Variants in ACSM3 observed in about 807,000 individuals in gnomAD.
ACSM3 encodes the protein acyl-coenzyme A synthetase ACSM3, mitochondrial.
ACSM3 carries 61 observed loss-of-function variants against 74.1 expected under a neutral mutation model. The observed-to-expected ratio is 0.82, with a 90% CI of 0.67 to 1.02. The LOEUF is 1.02. ACSM3 is among the 50% of genes least tolerant of loss of function. ACSM3 has a pLI of 0.00. For synonymous variants in ACSM3, 213 were observed against 241.5 expected (o/e 0.88, Z 1.09); for missense variants, 660 against 697.0 (o/e 0.95, Z 0.60).
chr16:20,768,629 G>A (rs2152453902), intron 1 of ACSM3, among the ~76,000 whole-genome samples: 1 of 152,126 alleles, frequency 6.6e-6, no homozygotes, highest in East Asian at 1.9e-4. Flanking sequence ...CCAAGACCTA[G>A]GCATCAGAGT....
intron 1 of ACSM3, among the ~76,000 whole-genome samples, chr16:20,702,556 T>A (rs2079716500): frequency 6.6e-6 from 1 of 152,248 alleles, no homozygotes; most frequent in South Asian, 2.1e-4. Flanking sequence ...ATTTCTCTAA[T>A]GACCAGGGAT....
In ACSM3 at chr16:20,792,125, T is replaced by C. The variant is rs749653596; in HGVS notation, c.1450T>C (p.Ser484Pro). 1 of 1,614,036 alleles carries C rather than the reference T, an allele frequency of 6.2e-7. No individual in the cohort carries two copies. Among genetic ancestry groups the C allele is most frequent in the Non-Finnish European group, 8.5e-7 (1 of 1,180,000 alleles). ...VARADDVILS[S>P]GYRIGPFEVE... ...AAGAGCAGATGATGTCATATTATCCTCTGGGTAACTTTCTTTTCCATATGT... is the reference window on the plus strand; with the variant it reads ...AAGAGCAGATGATGTCATATTATCCCCTGGGTAACTTTCTTTTCCATATGT... The change falls in exon 11 of 14, where the codon TCT (serine) becomes CCT (proline). Residue 484 changes from serine (S) to proline (P), a missense_variant. Transcript: ENST00000289416.
At chr16:20,704,429 T>C (rs1373095454) in intron 1 of ACSM3, among the ~76,000 whole-genome samples, 1 of 152,210 alleles carries the variant, frequency 6.6e-6, no homozygotes, top group Non-Finnish European at 1.5e-5. Context: ...GTCACCATGT[T>C]TAACTACTAG....
chr16:20,741,497 CGGGACCGGTA>C, intron 1 of ACSM3: 3 of 1,430,164 alleles, frequency 2.1e-6, no homozygotes, highest in South Asian at 2.8e-5. Context: ...CCGCCCACCC[CGGGACCGGTA>C]CCTTTTCTGG....
At chr16:20,741,479 C>CGGGGGGGGGGGGGGGGGGGG in intron 1 of ACSM3, 3 of 1,329,524 alleles carry the variant, frequency 2.3e-6, no homozygotes, top group East Asian at 3.1e-5. Flanking sequence ...GCCTGGCAGC[C>CGGGGGGGGGGGGGGGGGGGG]GGCCCGCCCG....
chr16:20,734,127 A>C (rs1017846645), intron 1 of ACSM3: 11 of 152,564 alleles, frequency 7.2e-5, no homozygotes, highest in African/African-American at 2.4e-4. Flanking sequence ...TATAAAAGAC[A>C]ATTTAAAAAC....
At chr16:20,707,791 G>A (rs1431893011) in intron 1 of ACSM3, among the ~76,000 whole-genome samples, 3 of 152,148 alleles carry the variant, frequency 2.0e-5, no homozygotes, top group Non-Finnish European at 4.4e-5. Flanking sequence ...AGAAGTATTT[G>A]CTCTTTCAAA....
intron 1 of ACSM3, among the ~76,000 whole-genome samples, chr16:20,723,517 C>T (rs2152396378): frequency 6.6e-6 from 1 of 151,962 alleles, no homozygotes; most frequent in African/African-American, 2.4e-5. Flanking sequence ...AAAAGTGTTC[C>T]TATTTCTCCA....
intron 7 of ACSM3, among the ~76,000 whole-genome samples, chr16:20,782,278 A>C (rs2080368611): frequency 6.6e-6 from 1 of 152,132 alleles, no homozygotes; most frequent in African/African-American, 2.4e-5. Flanking sequence ...TTTGGGAAAC[A>C]GGTGGTGTTT....
intron 3 of ACSM3, among the ~76,000 whole-genome samples, chr16:20,755,859 C>T (rs13333783): frequency 0.43 from 61,333 of 144,174 alleles, 15,325 homozygotes; most frequent in Non-Finnish European, 0.58. Flanking sequence ...GTTCAATTCC[C>T]ACCTATGAGT....
At chr16:20,703,244 C>G (rs2079718215) in intron 1 of ACSM3, 1 of 152,134 alleles carries the variant, frequency 6.6e-6, no homozygotes, top group African/African-American at 2.4e-5. Flanking sequence ...AGTCAGGTAG[C>G]ATGATGCCTC....
At chr16:20,718,011 GA>G (rs1567323299) in intron 1 of ACSM3, among the ~76,000 whole-genome samples, 263 of 145,458 alleles carry the variant, frequency 1.8e-3, no homozygotes, top group African/African-American at 6.0e-3. Flanking sequence ...AGAAGAAGAA[GA>G]AGAAGAAGAA....
At chr16:20,736,251 G>C (rs1342770444) in intron 1 of ACSM3, 1 of 152,174 alleles carries the variant, frequency 6.6e-6, no homozygotes, top group Non-Finnish European at 1.5e-5. Context: ...TCAGAAGACT[G>C]AAGTTCTTCA....
At chr16:20,757,185 G>A (rs1396336257) in intron 3 of ACSM3, among the ~76,000 whole-genome samples, 2 of 152,180 alleles carry the variant, frequency 1.3e-5, no homozygotes, top group South Asian at 2.1e-4. Flanking sequence ...GTCACTGGTA[G>A]CTTGATGGGG....
At chr16:20,727,968 A>G (rs949384277) in intron 1 of ACSM3, among the ~76,000 whole-genome samples, 4 of 152,240 alleles carry the variant, frequency 2.6e-5, no homozygotes, top group African/African-American at 9.6e-5. Flanking sequence ...CTGTGTTTCA[A>G]CAATGCTCCA....
intron 1 of ACSM3, chr16:20,741,533 G>A (rs2079923661): frequency 7.0e-7 from 1 of 1,418,794 alleles, no homozygotes; most frequent in Non-Finnish European, 9.4e-7. Flanking sequence ...ACATGTCGTC[G>A]CCGTATTCGT....
At chr16:20,703,068 G>A (rs1341260476) in intron 1 of ACSM3, 1 of 152,162 alleles carries the variant, frequency 6.6e-6, no homozygotes, top group Non-Finnish European at 1.5e-5. Flanking sequence ...ATTAAATAGG[G>A]AATGCTTTTC....
Position 20,792,228 on chromosome 16 carries a change from G to C in ACSM3, c.1455-8G>C. 1.2e-6 allele frequency: 2 copies of C among 1,614,086 alleles called. No individual in the cohort carries two copies. Among genetic ancestry groups the C allele is most frequent in the East Asian group, 2.2e-5 (1 of 44,876 alleles). On this transcript the variant is annotated splice_region_variant and splice_polypyrimidine_tract_variant and intron_variant, in intron 11 of 13. Transcript: ENST00000289416. The stretch of plus-strand genomic sequence containing the variant: ...ACCTGTATGTATTCCTGCCATATGT[G>C]TTTCTAGCTATCGAATTGGACCATT...
intron 2 of ACSM3, among the ~76,000 whole-genome samples, chr16:20,774,721 AG>A (rs2080235178): frequency 6.6e-6 from 1 of 152,222 alleles, no homozygotes; most frequent in Non-Finnish European, 1.5e-5. Flanking sequence ...GGGTGCCAGC[AG>A]TGGCTCCAGT....
Sources: allele counts gnomAD v4.1 joint callset (sites outside exome capture counted in the v4.1 genomes callset), GRCh38; gene constraint gnomAD v4.1.1; transcripts MANE v1.5; gene names NCBI Gene and HGNC (gene_info 2026-07-23, HGNC 2026-07-21).